MACROD2: variants seen among roughly 807,000 people sequenced by gnomAD.
The protein encoded by MACROD2 is mono-ADP ribosylhydrolase 2, also known as ADP-ribose glycohydrolase MACROD2.
Under a neutral mutation model 70.4 loss-of-function variants are expected in MACROD2, and 36 were observed. The ratio of observed to expected loss-of-function variants is 0.51; its 90% CI spans 0.39 to 0.68. The LOEUF is 0.68. Ranked by LOEUF, MACROD2 falls within the 30% of genes least tolerant of loss-of-function variation. The pLI, the probability that MACROD2 is intolerant of heterozygous loss-of-function variation, is 0.00. For synonymous variants in MACROD2, 172 were observed against 178.8 expected (o/e 0.96, Z 0.30); for missense variants, 496 against 538.4 (o/e 0.92, Z 0.78).
chr20:14,941,595 A>G (rs1165643278), intron 5 of MACROD2, among the ~76,000 whole-genome samples: 1 of 152,112 alleles, frequency 6.6e-6, no homozygotes, highest in African/African-American at 2.4e-5. Flanking sequence ...ACTTCTCTGT[A>G]GCCCTGGAAA....
At chr20:15,832,769 A>G (rs546180847) in intron 8 of MACROD2, among the ~76,000 whole-genome samples, 11 of 152,340 alleles carry the variant, frequency 7.2e-5, no homozygotes, top group South Asian at 6.2e-4. Flanking sequence ...CAAATCTCTG[A>G]GAGTGCAGCC....
chr20:14,867,048 G>C (rs2073435750), intron 5 of MACROD2, among the ~76,000 whole-genome samples: 1 of 152,072 alleles, frequency 6.6e-6, no homozygotes, highest in African/African-American at 2.4e-5. Flanking sequence ...ACGTAACTGA[G>C]AGCAATCTGA....
At chr20:15,189,383 CAGAG>C (rs778792216) in intron 5 of MACROD2, among the ~76,000 whole-genome samples, 29 of 151,934 alleles carry the variant, frequency 1.9e-4, no homozygotes, top group Non-Finnish European at 3.4e-4. Flanking sequence ...CGCACATACA[CAGAG>C]AGAGAAAGAG....
At chr20:15,561,111 G>A (rs1288084009) in intron 8 of MACROD2, among the ~76,000 whole-genome samples, 1 of 152,140 alleles carries the variant, frequency 6.6e-6, no homozygotes, top group Non-Finnish European at 1.5e-5. Context: ...TGACATGGAG[G>A]CAGTGAGTAT....
At chr20:16,043,176 T>C (rs1318176801) in intron 16 of MACROD2, among the ~76,000 whole-genome samples, 2 of 151,990 alleles carry the variant, frequency 1.3e-5, no homozygotes, top group African/African-American at 4.8e-5. Flanking sequence ...CATGCTCTGA[T>C]TGGAGGTTGT....
intron 8 of MACROD2, among the ~76,000 whole-genome samples, chr20:15,595,655 TAAG>T (rs1253388965): frequency 6.6e-6 from 1 of 152,190 alleles, no homozygotes; most frequent in Non-Finnish European, 1.5e-5. Flanking sequence ...ATTTTAAAAA[TAAG>T]AGGCATAACT....
rs917424672 is a variant in MACROD2, at chr20:15,862,829, G to A, written c.727+3G>A. 1 of 1,600,270 alleles carries A rather than the reference G, an allele frequency of 6.2e-7. No individual in the cohort carries two copies. Among genetic ancestry groups the A allele is most frequent in the Admixed American group, 1.7e-5 (1 of 58,354 alleles). On this transcript the variant is annotated splice_donor_region_variant and intron_variant, in intron 9 of 17. Transcript: ENST00000684519. ...AATGAATGAGTTTTTCTCCGTAGGT[G>A]AGTAAAGCAACTTCTTGTTTTCTTT... is the stretch of plus-strand genomic sequence containing the variant.
intron 5 of MACROD2, among the ~76,000 whole-genome samples, chr20:14,947,780 CA>C (rs1006664119): frequency 3.3e-5 from 5 of 152,100 alleles, no homozygotes; most frequent in Admixed American, 2.6e-4. Flanking sequence ...TTTCTTGGGG[CA>C]GGTGAGGACT....
intron 4 of MACROD2, among the ~76,000 whole-genome samples, chr20:14,652,678 G>A (rs927899479): frequency 6.6e-6 from 1 of 152,126 alleles, no homozygotes; most frequent in Admixed American, 6.5e-5. Flanking sequence ...TCTAAAGCTG[G>A]AGATCTTTTA....
At chr20:15,824,697 G>T (rs936739074) in intron 8 of MACROD2, among the ~76,000 whole-genome samples, 1 of 152,104 alleles carries the variant, frequency 6.6e-6, no homozygotes, top group Non-Finnish European at 1.5e-5. Context: ...ATATGCAGCC[G>T]ATGAGTATTT....
intron 5 of MACROD2, among the ~76,000 whole-genome samples, chr20:14,886,259 C>T (rs1024421652): frequency 3.9e-5 from 6 of 152,066 alleles, no homozygotes; most frequent in Non-Finnish European, 8.8e-5. Flanking sequence ...ACAGCAAGTG[C>T]AAAGGCCCTG....
At chr20:15,215,145 C>T (rs753235010) in intron 5 of MACROD2, among the ~76,000 whole-genome samples, 117 of 151,870 alleles carry the variant, frequency 7.7e-4, no homozygotes, top group Non-Finnish European at 1.4e-3. Flanking sequence ...TAAAATAAAT[C>T]GGGCTTAAAA....
chr20:15,774,024 G>T (rs2051679652), intron 8 of MACROD2, among the ~76,000 whole-genome samples: 1 of 150,874 alleles, frequency 6.6e-6, no homozygotes, highest in Admixed American at 6.6e-5. Context: ...TGAATTCACG[G>T]CTCCTGGAAA....
chr20:14,156,272 T>G (rs2055102105), intron 3 of MACROD2, among the ~76,000 whole-genome samples: 1 of 152,226 alleles, frequency 6.6e-6, no homozygotes, highest in African/African-American at 2.4e-5. Flanking sequence ...TTTCACTGCA[T>G]TTTTTGGCTC....
At chr20:14,030,904 G>C (rs987448584) in intron 2 of MACROD2, among the ~76,000 whole-genome samples, 1 of 152,162 alleles carries the variant, frequency 6.6e-6, no homozygotes, top group Non-Finnish European at 1.5e-5. Flanking sequence ...AAATTAAATA[G>C]ATGAAAGACA....
At chr20:14,077,894 CTTTTTTT>C (rs58677755) in intron 2 of MACROD2, among the ~76,000 whole-genome samples, 1 of 120,502 alleles carries the variant, frequency 8.3e-6, no homozygotes, top group Non-Finnish European at 1.8e-5. Flanking sequence ...AAAGGTTTTT[CTTTTTTT>C]TTTTTTTTTT....
chr20:15,110,835 G>T (rs2075948620), intron 5 of MACROD2, among the ~76,000 whole-genome samples: 1 of 152,294 alleles, frequency 6.6e-6, no homozygotes, highest in South Asian at 2.1e-4. Context: ...CTGAGAGCCA[G>T]TTACATTGCT....
intron 3 of MACROD2, among the ~76,000 whole-genome samples, chr20:14,133,815 G>T (rs2054752388): frequency 6.6e-6 from 1 of 152,178 alleles, no homozygotes; most frequent in African/African-American, 2.4e-5. Flanking sequence ...ACAATGGGCA[G>T]GTACCCCACA....
chr20:14,260,813 G>T (rs1051153062), intron 3 of MACROD2, among the ~76,000 whole-genome samples: 4 of 152,128 alleles, frequency 2.6e-5, no homozygotes, highest in African/African-American at 9.7e-5. Context: ...AAAGTTCTTA[G>T]GTGAATAATG....
Sources: gnomAD v4.1 joint callset for allele counts (sites outside exome capture counted in the v4.1 genomes callset) on GRCh38, gnomAD v4.1.1 for gene constraint, MANE v1.5 for transcripts, NCBI Gene and HGNC (gene_info 2026-07-23, HGNC 2026-07-21) for gene names.